IMMP2L: variants seen among roughly 807,000 people sequenced by gnomAD.
The protein encoded by IMMP2L is mitochondrial inner membrane protease subunit 2.
Under a neutral mutation model 19.3 loss-of-function variants are expected in IMMP2L, and 18 were observed. That is an observed-to-expected ratio of 0.93 (90% CI 0.64 to 1.38). The LOEUF (loss-of-function observed/expected upper bound fraction) is 1.38, where lower values mean the gene tolerates loss of function less well. IMMP2L is among the 40% of genes most tolerant of loss of function. The pLI, the probability that IMMP2L is intolerant of heterozygous loss-of-function variation, is 0.00. For missense variants in IMMP2L, 233 were observed against 218.2 expected (o/e 1.07, Z -0.43); for synonymous variants, 76 against 73.0 (o/e 1.04, Z -0.21).
chr7:111,381,326 T>C (rs139849192), intron 3 of IMMP2L, among the ~76,000 whole-genome samples: 154 of 152,112 alleles, frequency 1.0e-3, no homozygotes, highest in Non-Finnish European at 2.0e-3. Flanking sequence ...TTCACTCTGC[T>C]AGCAGCGTAG....
At chr7:110,998,003 TC>T (rs1823223356) in intron 3 of IMMP2L, among the ~76,000 whole-genome samples, 1 of 152,128 alleles carries the variant, frequency 6.6e-6, no homozygotes, top group Non-Finnish European at 1.5e-5. Flanking sequence ...CCCTCCCATA[TC>T]TGCATACGGT....
In IMMP2L at chr7:111,539,184, GAAGGAAGGAGGGAGAAAGAA is replaced by G. The variant is rs1563330349; in HGVS notation, c.-2-17755_-2-17736del. 3.0e-3 allele frequency among the ~76,000 whole-genome samples: 209 copies of G among 70,444 alleles called. 9 individuals carry two copies. Among genetic ancestry groups the G allele is most frequent in the South Asian group, 5.5e-3 (11 of 1,982 alleles). The allele number at this position is 70,444 out of a possible 152,430, so 46.2% of individuals were successfully genotyped here. A position where few individuals can be genotyped will look rare whatever the true frequency, so the allele number is the denominator to read the frequency against. On this transcript the variant is annotated intron_variant, in intron 1 of 5. Transcript: ENST00000405709. ...GGAAGGAAGGAAGGAAGGAAGGAAGGAAGGAAGGAGGGAGAAAGAAAGAAAGAAAGAAAGAAAGAAAGAAA... is the reference window on the plus strand; with the variant it reads ...GGAAGGAAGGAAGGAAGGAAGGAAGGAGAAAGAAAGAAAGAAAGAAAGAAA...
intron 3 of IMMP2L, among the ~76,000 whole-genome samples, chr7:111,022,593 A>G (rs977739160): frequency 6.6e-6 from 1 of 152,226 alleles, no homozygotes; most frequent in African/African-American, 2.4e-5. Context: ...TATGATGGAC[A>G]TGTGTAATAC....
chr7:110,978,691 C>A (rs1411451484), intron 3 of IMMP2L, among the ~76,000 whole-genome samples: 2 of 152,000 alleles, frequency 1.3e-5, no homozygotes, highest in African/African-American at 4.8e-5. Context: ...AGTTTATCAT[C>A]TACACTAAAC....
chr7:111,462,547 G>A (rs1002487888), intron 3 of IMMP2L, among the ~76,000 whole-genome samples: 1 of 152,244 alleles, frequency 6.6e-6, no homozygotes, highest in Non-Finnish European at 1.5e-5. Context: ...CATAATAGTT[G>A]TATTTATGAG....
At chr7:110,690,126 A>AC (rs1403095563) in intron 5 of IMMP2L, among the ~76,000 whole-genome samples, 12 of 152,144 alleles carry the variant, frequency 7.9e-5, no homozygotes, top group Admixed American at 7.2e-4. Flanking sequence ...GCACCCACTC[A>AC]CCCCCCACCT....
chr7:111,332,927 T>C (rs571245450), intron 3 of IMMP2L, among the ~76,000 whole-genome samples: 2 of 152,218 alleles, frequency 1.3e-5, no homozygotes, highest in South Asian at 4.1e-4. Context: ...ATCAGTCTAC[T>C]ACTCCACAAT....
chr7:111,413,057 T>C (rs1214159436), intron 3 of IMMP2L, among the ~76,000 whole-genome samples: 2 of 150,478 alleles, frequency 1.3e-5, no homozygotes, highest in Non-Finnish European at 3.0e-5. Flanking sequence ...AAAGGAGATA[T>C]TATCCAGATA....
intron 3 of IMMP2L, among the ~76,000 whole-genome samples, chr7:111,373,052 T>G (rs1480662883): frequency 6.6e-6 from 1 of 151,844 alleles, no homozygotes; most frequent in Non-Finnish European, 1.5e-5. Flanking sequence ...CTACAATATC[T>G]TCCAATGTTT....
At chr7:111,450,848 C>G (rs1585157992) in intron 3 of IMMP2L, among the ~76,000 whole-genome samples, 1 of 149,650 alleles carries the variant, frequency 6.7e-6, no homozygotes, top group South Asian at 2.1e-4. Context: ...ACAATGAACT[C>G]AAACAAATTT....
chr7:110,923,414 G>A (rs1351676082), intron 4 of IMMP2L, among the ~76,000 whole-genome samples: 1 of 152,086 alleles, frequency 6.6e-6, no homozygotes, highest in Non-Finnish European at 1.5e-5. Context: ...TGCATTTGGT[G>A]TCATTAATAG....
At chr7:111,127,170 G>A (rs1488341844) in intron 3 of IMMP2L, among the ~76,000 whole-genome samples, 2 of 152,158 alleles carry the variant, frequency 1.3e-5, no homozygotes, top group Non-Finnish European at 2.9e-5. Context: ...AGAGGCTGAC[G>A]TTAGAATTTA....
At chr7:111,360,719 G>A (rs1829180995) in intron 3 of IMMP2L, among the ~76,000 whole-genome samples, 1 of 152,074 alleles carries the variant, frequency 6.6e-6, no homozygotes, top group Non-Finnish European at 1.5e-5. Context: ...TTGGGATGCT[G>A]AGGCAGGAGA....
intron 3 of IMMP2L, among the ~76,000 whole-genome samples, chr7:111,267,803 A>C (rs1011086079): frequency 6.6e-6 from 1 of 152,122 alleles, no homozygotes; most frequent in African/African-American, 2.4e-5. Context: ...ATATTATTCC[A>C]GGATAGACCA....
intron 3 of IMMP2L, among the ~76,000 whole-genome samples, chr7:111,273,642 T>TC (rs1818716628): frequency 6.6e-6 from 1 of 152,222 alleles, no homozygotes. Flanking sequence ...TCATTCCACC[T>TC]GATGAAGGAA....
At chr7:110,749,423 A>T (rs1584713500) in intron 5 of IMMP2L, among the ~76,000 whole-genome samples, 1 of 152,126 alleles carries the variant, frequency 6.6e-6, no homozygotes, top group Middle Eastern at 3.4e-3. Flanking sequence ...ATAAATCATT[A>T]TACTATAAAG....
intron 5 of IMMP2L, among the ~76,000 whole-genome samples, chr7:110,754,250 A>G (rs1797909251): frequency 6.6e-6 from 1 of 152,054 alleles, no homozygotes; most frequent in African/African-American, 2.4e-5. Flanking sequence ...CTGCTATTGT[A>G]AAAATAATGA....
intron 3 of IMMP2L, among the ~76,000 whole-genome samples, chr7:110,967,687 C>T (rs775903521): frequency 2.0e-5 from 3 of 152,052 alleles, no homozygotes; most frequent in Middle Eastern, 3.4e-3. Context: ...AAAGGAAAAA[C>T]GAATATTCTG....
intron 3 of IMMP2L, among the ~76,000 whole-genome samples, chr7:111,365,285 G>C (rs1829665175): frequency 6.6e-6 from 1 of 152,040 alleles, no homozygotes; most frequent in Non-Finnish European, 1.5e-5. Context: ...AACACAATCT[G>C]CTATCATGAA....
Sources: gnomAD v4.1 joint callset for allele counts (sites outside exome capture counted in the v4.1 genomes callset) on GRCh38, gnomAD v4.1.1 for gene constraint, MANE v1.5 for transcripts, NCBI Gene and HGNC (gene_info 2026-07-23, HGNC 2026-07-21) for gene names.